Variants in ASPH observed in about 807,000 individuals in gnomAD.
ASPH encodes aspartyl/asparaginyl beta-hydroxylase.
In ASPH, 100 loss-of-function variants were observed where a neutral mutation model predicts 118.4. That is an observed-to-expected ratio of 0.84 (90% CI 0.72 to 1.00). The LOEUF (loss-of-function observed/expected upper bound fraction) is 1.00, where lower values mean the gene tolerates loss of function less well. Ranked by LOEUF, ASPH falls within the 50% of genes least tolerant of loss-of-function variation. ASPH has a pLI of 0.00. For synonymous variants in ASPH, 315 were observed against 325.6 expected (o/e 0.97, Z 0.35); for missense variants, 920 against 919.5 (o/e 1.00, Z -0.01).
rs773407540 is a variant in ASPH, at chr8:61,653,624, G to A, written c.359C>T (p.Pro120Leu). ...KERSTSEPAV[P>L]PEEAEPHTEP... ...AGTGTGTGGCTCAGCCTCTTCTGGC[G>A]GGACTGCTGGCTCTGAAGTAGATCT... The change falls in exon 4 of 25, where the codon CCG becomes CTG. Residue 120 changes from proline (P) to leucine (L), a missense_variant. Pro to Leu is a moderately conservative substitution (Grantham distance 98). Transcript: ENST00000379454. 4.6e-5 allele frequency: 75 copies of A among 1,613,834 alleles called. No individual in the cohort carries two copies. Among genetic ancestry groups the A allele is most frequent in the East Asian group, 2.0e-4 (9 of 44,830 alleles).
At chr8:61,602,623 T>C (rs1052453883) in intron 14 of ASPH, among the ~76,000 whole-genome samples, 5 of 151,196 alleles carry the variant, frequency 3.3e-5, no homozygotes, top group Admixed American at 2.6e-4. Context: ...TGTAAACTAA[T>C]GCGTAGGGAC....
intron 8 of ASPH, 26 bp downstream of exon 8, chr8:61,643,919 T>C (rs1197367031): frequency 6.3e-7 from 1 of 1,589,662 alleles, no homozygotes; most frequent in Non-Finnish European, 8.6e-7. Context: ...AGAAAACACA[T>C]ATCAATAATT....
intron 21 of ASPH, among the ~76,000 whole-genome samples, chr8:61,527,919 T>G (rs193194096): frequency 4.4e-4 from 67 of 152,342 alleles, no homozygotes; most frequent in Middle Eastern, 3.4e-3. Context: ...TTTGACTTGG[T>G]TGCAGAAAAA....
intron 24 of ASPH, among the ~76,000 whole-genome samples, chr8:61,516,543 G>T (rs150426924): frequency 8.7e-4 from 132 of 152,266 alleles, no homozygotes; most frequent in Non-Finnish European, 1.6e-3. Context: ...TAAGAAATGT[G>T]TAAGACAACA....
At chr8:61,669,435 A>G (rs1172672282) in intron 3 of ASPH, among the ~76,000 whole-genome samples, 1 of 152,330 alleles carries the variant, frequency 6.6e-6, no homozygotes, top group Admixed American at 6.5e-5. Context: ...TTGTCCACTT[A>G]TATGAAATAC....
At chr8:61,643,921 T>C (rs1235101466) in intron 8 of ASPH, 24 bp downstream of exon 8, 7 of 1,592,446 alleles carry the variant, frequency 4.4e-6, no homozygotes, top group Admixed American at 3.3e-5. Flanking sequence ...AAAACACATA[T>C]CAATAATTTT....
chr8:61,613,747 G>C (rs1376060977), intron 14 of ASPH, among the ~76,000 whole-genome samples: 2 of 152,114 alleles, frequency 1.3e-5, no homozygotes, highest in African/African-American at 2.4e-5. Flanking sequence ...AACACAGGGA[G>C]GCCATAAGCA....
chr8:61,665,232 GGAT>G, intron 3 of ASPH: 1 of 1,558,352 alleles, frequency 6.4e-7, no homozygotes, highest in African/African-American at 1.4e-5. Flanking sequence ...CCATGTTCTG[GGAT>G]GATGATGCCA....
At chr8:61,585,189 G>A (rs1431450893) in intron 14 of ASPH, among the ~76,000 whole-genome samples, 2 of 152,142 alleles carry the variant, frequency 1.3e-5, no homozygotes, top group Admixed American at 1.3e-4. Context: ...CAGCAAACAG[G>A]AGCCCTCCTC....
At chr8:61,513,773 C>G (rs545415880) in intron 24 of ASPH, among the ~76,000 whole-genome samples, 1 of 152,340 alleles carries the variant, frequency 6.6e-6, no homozygotes, top group South Asian at 2.1e-4. Flanking sequence ...TATTCTCATT[C>G]AAGACCCCCC....
At chr8:61,711,264 C>T (rs1196653568) in intron 1 of ASPH, among the ~76,000 whole-genome samples, 1 of 151,988 alleles carries the variant, frequency 6.6e-6, no homozygotes, top group Non-Finnish European at 1.5e-5. Flanking sequence ...AAGGGAAAAA[C>T]TAAACAAACA....
At chr8:61,579,368 C>T (rs1251624098) in intron 15 of ASPH, 11 of 1,613,952 alleles carry the variant, frequency 6.8e-6, no homozygotes, top group Non-Finnish European at 8.5e-7. Flanking sequence ...TCAAGCTGGC[C>T]CTGGACATCG....
At chr8:61,641,756 C>A (rs1181955488) in intron 10 of ASPH, among the ~76,000 whole-genome samples, 1 of 152,062 alleles carries the variant, frequency 6.6e-6, no homozygotes, top group African/African-American at 2.4e-5. Context: ...AAAGGAGGGA[C>A]CCTATGTTAC....
rs551501542 is a variant in ASPH, at chr8:61,553,044, A to G, written c.1613T>C (p.Val538Ala). 2 of 1,612,908 alleles carry G rather than the reference A, an allele frequency of 1.2e-6. No individual in the cohort carries two copies. Among genetic ancestry groups the G allele is most frequent in the Admixed American group, 1.7e-5 (1 of 59,992 alleles). ...TATACCCATTACCTCTTTGTTCCCA[A>G]CCCTCTGCATGGCATCCCCCAGGTG... ...YFHLGDAMQR[V>A]GNKEAYKWYE... The change falls in exon 20 of 25, where the codon GTT (valine) becomes GCT (alanine). Residue 538 changes from valine to alanine, a missense_variant. Val to Ala is a moderately conservative substitution (Grantham distance 64). Transcript: ENST00000379454.
chr8:61,691,121 G>A (rs1048705328), intron 1 of ASPH, among the ~76,000 whole-genome samples: 1 of 152,156 alleles, frequency 6.6e-6, no homozygotes, highest in African/African-American at 2.4e-5. Context: ...TTCCTCAGAT[G>A]CCTGTTTTAG....
At chr8:61,669,458 A>G (rs1023306927) in intron 3 of ASPH, among the ~76,000 whole-genome samples, 1 of 152,244 alleles carries the variant, frequency 6.6e-6, no homozygotes, top group Non-Finnish European at 1.5e-5. Flanking sequence ...AGGTAACCAT[A>G]ACCAGTACTT....
At chr8:61,539,699 G>GGGGGGTGTGTGTGTGTGTGTGT (rs1554618405) in intron 21 of ASPH, among the ~76,000 whole-genome samples, 12 of 124,306 alleles carry the variant, frequency 9.7e-5, no homozygotes, top group African/African-American at 3.1e-4. Context: ...ACACTTCTGG[G>GGGGGGTGTGTGTGTGTGTGTGT]GTGTGTGTGT....
At chr8:61,539,499 C>T (rs1456499383) in intron 21 of ASPH, among the ~76,000 whole-genome samples, 2 of 152,090 alleles carry the variant, frequency 1.3e-5, no homozygotes, top group African/African-American at 2.4e-5. Flanking sequence ...CTTGACCTCT[C>T]GGCTTGGGGT....
intron 12 of ASPH, among the ~76,000 whole-genome samples, chr8:61,635,855 G>C (rs1443836510): frequency 6.6e-6 from 1 of 152,054 alleles, no homozygotes; most frequent in Non-Finnish European, 1.5e-5. Flanking sequence ...TTTCCTAACA[G>C]GGTGTTTCGC....
Sources: gnomAD v4.1 joint callset for allele counts (sites outside exome capture counted in the v4.1 genomes callset) on GRCh38, gnomAD v4.1.1 for gene constraint, MANE v1.5 for transcripts, NCBI Gene and HGNC (gene_info 2026-07-23, HGNC 2026-07-21) for gene names.